GBP7: variants seen among roughly 807,000 people sequenced by gnomAD.
GBP7 encodes the protein guanylate binding protein 7.
In GBP7, 43 loss-of-function variants were observed where a neutral mutation model predicts 61.3. The ratio of observed to expected loss-of-function variants is 0.70; its 90% CI spans 0.55 to 0.91. GBP7 has a LOEUF of 0.91. GBP7 is among the 40% of genes least tolerant of loss of function. GBP7 has a pLI of 0.00. For synonymous variants in GBP7, 267 were observed against 271.0 expected (o/e 0.99, Z 0.14); for missense variants, 717 against 740.5 (o/e 0.97, Z 0.37).
At chr1:89,143,823 C>T (rs1046547705) in intron 8 of GBP7, among the ~76,000 whole-genome samples, 2 of 152,168 alleles carry the variant, frequency 1.3e-5, no homozygotes, top group Non-Finnish European at 2.9e-5. Context: ...ACACCTCCCA[C>T]GAGGCCCCAC....
intron 10 of GBP7, 125 bp from the exon 11 acceptor site, chr1:89,132,528 G>T: frequency 1.4e-6 from 1 of 732,106 alleles, no homozygotes. Flanking sequence ...TCTTTGATGA[G>T]TTGGTCTGAC....
At position 89,149,582 on chromosome 1, in the gene GBP7, T is replaced by G. The variant is rs1162524940; in HGVS notation, c.872-10A>C. ...ACCAGCATCCCCAGCCCTGAATGAT[T>G]TAGGAAATTTAGGGAATAGATAGAA... is the stretch of plus-strand genomic sequence containing the variant. On this transcript the variant is annotated splice_polypyrimidine_tract_variant and intron_variant, in intron 6 of 10. Coordinates refer to ENST00000294671, the MANE Select transcript of GBP7 (RefSeq NM_207398.3). The G allele has an allele frequency of 6.3e-7, 1 of 1,596,420 alleles. No homozygotes were observed. Among genetic ancestry groups the G allele is most frequent in the Non-Finnish European group, 8.6e-7 (1 of 1,167,464 alleles).
chr1:89,146,957 C>T (rs1373171035), intron 8 of GBP7, among the ~76,000 whole-genome samples: 1 of 152,208 alleles, frequency 6.6e-6, no homozygotes, highest in Non-Finnish European at 1.5e-5. Context: ...CCCATCAGCT[C>T]CACCACTTGG....
intron 2 of GBP7, among the ~76,000 whole-genome samples, chr1:89,171,095 C>G (rs1462149007): frequency 1.3e-5 from 2 of 152,080 alleles, no homozygotes; most frequent in Admixed American, 6.6e-5. Context: ...TTATAAATCC[C>G]CTGCTTATTC....
rs1433732111 is a variant in GBP7, at chr1:89,132,367, T to C, written c.1699A>G (p.Ile567Val). 3 of 1,611,468 alleles carry C rather than the reference T, an allele frequency of 1.9e-6. No individual in the cohort carries two copies. The highest frequency in any genetic ancestry group is 8.5e-7 in the Non-Finnish European group (1 of 1,178,580). Residue 567 changes from isoleucine to valine, a missense_variant, in exon 11 of 11, where the codon ATA (isoleucine) becomes GTA (valine). Around this residue, in one of 3 missense-constraint regions of GBP7, gnomAD observed 312 missense variants for 310.1 expected, o/e 1.01. Transcript: ENST00000294671. The stretch of plus-strand genomic sequence containing the variant: ...ATCTCTTCATTTAACGACTCAAATA[T>C]CTCTTTAAATCCTTCAGTAAGCAGT... ...EELLTEGFKE[I>V]FESLNEEINR... is the part of the protein sequence containing the mutation.
chr1:89,155,008 A>G (rs527578976), intron 3 of GBP7, among the ~76,000 whole-genome samples: 25 of 152,262 alleles, frequency 1.6e-4, no homozygotes, highest in African/African-American at 6.0e-4. Context: ...AAGCTTCCGG[A>G]GGAAGGATCA....
chr1:89,134,255 C>T (rs542345830), intron 9 of GBP7, among the ~76,000 whole-genome samples: 2 of 152,314 alleles, frequency 1.3e-5, no homozygotes, highest in African/African-American at 2.4e-5. Context: ...GGCACACACT[C>T]GCTTGCAGCC....
rs1355223983 is a variant in GBP7, at chr1:89,133,356, T to C, written c.1564A>G (p.Ser522Gly). The C allele has an allele frequency of 1.2e-6, 2 of 1,614,034 alleles. No homozygotes were observed. The highest frequency in any genetic ancestry group is 1.7e-6 in the Non-Finnish European group (2 of 1,180,012). The change falls in exon 10 of 11, where the codon AGT (serine) becomes GGT (glycine). Residue 522 changes from serine (S) to glycine (G), a missense_variant. Ser to Gly is a moderately conservative substitution (Grantham distance 56, BLOSUM62 0). Coordinates refer to ENST00000294671, the MANE Select transcript of GBP7 (RefSeq NM_207398.3). ...AGTTGAGCTATGTTTTCCTGGAAACTTCTCTCTTGAGCCTCCATCATTTGC... is the reference window on the plus strand; with the variant it reads ...AGTTGAGCTATGTTTTCCTGGAAACCTCTCTCTTGAGCCTCCATCATTTGC... ...QQQMMEAQER[S>G]FQENIAQLKK...
chr1:89,172,084 C>T (rs1011001398), intron 1 of GBP7, 130 bp from the exon 2 acceptor site: 3 of 631,014 alleles, frequency 4.8e-6, no homozygotes, highest in Non-Finnish European at 2.7e-6. Context: ...AGACCTGTGG[C>T]CCTTTAAGGC....
intron 3 of GBP7, among the ~76,000 whole-genome samples, chr1:89,158,219 TAAG>T (rs1466857235): frequency 1.3e-5 from 2 of 152,156 alleles, no homozygotes; most frequent in African/African-American, 4.8e-5. Context: ...TTCAAAATAA[TAAG>T]AGCTATTTAT....
intron 3 of GBP7, among the ~76,000 whole-genome samples, chr1:89,158,769 A>T (rs771615708): frequency 2.6e-5 from 4 of 152,236 alleles, no homozygotes; most frequent in Non-Finnish European, 4.4e-5. Flanking sequence ...CAATATCGTG[A>T]AAATGGCCCT....
At chr1:89,148,364 G>A (rs1414905561) in intron 7 of GBP7, among the ~76,000 whole-genome samples, 1 of 152,192 alleles carries the variant, frequency 6.6e-6, no homozygotes, top group Non-Finnish European at 1.5e-5. Context: ...GCAGATTTAA[G>A]ATATCCCCCA....
chr1:89,171,615 A>G, intron 2 of GBP7, 131 bp downstream of exon 2: 1 of 707,404 alleles, frequency 1.4e-6, no homozygotes, highest in Non-Finnish European at 2.2e-6. Flanking sequence ...TGAAGGGTTC[A>G]CTGATGAATT....
chr1:89,173,446 T>C (rs1432532324), intron 1 of GBP7, among the ~76,000 whole-genome samples: 4 of 152,196 alleles, frequency 2.6e-5, no homozygotes, highest in African/African-American at 4.8e-5. Flanking sequence ...AGCTAGACTT[T>C]GGTCTTCTAA....
chr1:89,164,795 TG>T lies in GBP7; in HGVS notation c.253del (p.His85ThrfsTer9), dbSNP rs533737776. On this transcript the variant is annotated frameshift_variant, in exon 3 of 11. Coordinates refer to ENST00000294671, the MANE Select transcript of GBP7 (RefSeq NM_207398.3). LOFTEE classifies it high-confidence loss of function. ...TKGIWMWCVP[H>X]PSKPNHTLIL... ...CAGGGTGTGGTTTGGCTTGGAGGGGTGGGGCACACACCACATCCAGATGCCT... is the reference window on the plus strand; with the variant it reads ...CAGGGTGTGGTTTGGCTTGGAGGGGTGGGCACACACCACATCCAGATGCCT... The T allele has an allele frequency of 1.3e-4, 208 of 1,613,738 alleles. 2 individuals are homozygous for T. The African/African-American group carries it at 2.5e-3, about 20-fold the overall frequency.
At chr1:89,147,032 A>T (rs938776189) in intron 8 of GBP7, among the ~76,000 whole-genome samples, 13 of 152,228 alleles carry the variant, frequency 8.5e-5, no homozygotes, top group African/African-American at 2.2e-4. Context: ...GCCTATGTGG[A>T]AGATAGTAGT....
At chr1:89,159,644 A>G (rs1029349321) in intron 3 of GBP7, among the ~76,000 whole-genome samples, 2 of 152,196 alleles carry the variant, frequency 1.3e-5, no homozygotes, top group East Asian at 3.8e-4. Context: ...GAGAAATGCA[A>G]ATCAAAACTA....
intron 9 of GBP7, among the ~76,000 whole-genome samples, chr1:89,139,992 CAT>C (rs1557452835): frequency 2.0e-5 from 3 of 152,060 alleles, no homozygotes; most frequent in African/African-American, 7.2e-5. Flanking sequence ...CACATGGACA[CAT>C]ATGTTTATTG....
chr1:89,136,381 C>G (rs893948308), intron 9 of GBP7, among the ~76,000 whole-genome samples: 1 of 152,022 alleles, frequency 6.6e-6, no homozygotes, highest in African/African-American at 2.4e-5. Flanking sequence ...CTGCACATGG[C>G]ACATACTCTA....
Sources: gnomAD v4.1 joint callset for allele counts (sites outside exome capture counted in the v4.1 genomes callset) on GRCh38, gnomAD v4.1.1 for gene constraint, gnomAD v4.1.1 regional missense constraint, MANE v1.5 for transcripts, NCBI Gene and HGNC (gene_info 2026-07-23, HGNC 2026-07-21) for gene names.